Variants in NRXN1 observed in about 807,000 individuals in gnomAD.
NRXN1 encodes neurexin-1.
A neutral mutation model predicts 150.9 loss-of-function variants in NRXN1; 39 were observed. The observed-to-expected ratio is 0.26, with a 90% CI of 0.20 to 0.34. The LOEUF (loss-of-function observed/expected upper bound fraction) is 0.34. NRXN1 is among the 10% of genes least tolerant of loss of function. The pLI is 1.00. For synonymous variants in NRXN1, 924 were observed against 757.0 expected, an observed-to-expected ratio of 1.22 and a Z score of -3.62; for missense variants, 1,815 against 1,949.9, an observed-to-expected ratio of 0.93 and a Z score of 1.30.
At chr2:50,184,749 A>T (rs1029948759) in intron 18 of NRXN1, among the ~76,000 whole-genome samples, 14 of 151,300 alleles carry the variant, frequency 9.3e-5, no homozygotes, top group African/African-American at 3.4e-4. Context: ...AAATACTTAT[A>T]TAGCATTTAC....
chr2:50,800,988 C>T (rs1333631475), intron 5 of NRXN1, among the ~76,000 whole-genome samples: 2 of 152,140 alleles, frequency 1.3e-5, no homozygotes, highest in Non-Finnish European at 2.9e-5. Flanking sequence ...GCAAGCATAA[C>T]TTCAGAATTT....
chr2:49,935,108 A>T (rs1330237470), intron 22 of NRXN1, among the ~76,000 whole-genome samples: 1 of 152,232 alleles, frequency 6.6e-6, no homozygotes, highest in African/African-American at 2.4e-5. Flanking sequence ...TATGTTATCA[A>T]AGCTTTCCTG....
At chr2:50,335,458 T>C (rs1029350510) in intron 17 of NRXN1, among the ~76,000 whole-genome samples, 2 of 152,112 alleles carry the variant, frequency 1.3e-5, no homozygotes, top group African/African-American at 4.8e-5. Context: ...ATTTTCAGAG[T>C]TGATTGGGCA....
intron 5 of NRXN1, among the ~76,000 whole-genome samples, chr2:50,776,268 C>A (rs965780207): frequency 6.6e-6 from 1 of 151,964 alleles, no homozygotes; most frequent in African/African-American, 2.4e-5. Context: ...TTATGTGGTC[C>A]GTACTTCTTT....
At chr2:50,447,814 T>G (rs1321146454) in intron 17 of NRXN1, among the ~76,000 whole-genome samples, 3 of 139,534 alleles carry the variant, frequency 2.2e-5, no homozygotes, top group Non-Finnish European at 3.0e-5. Flanking sequence ...ATCCTGCTTA[T>G]GGCTTCTTCA....
At chr2:50,627,210 T>A (rs930270291) in intron 5 of NRXN1, among the ~76,000 whole-genome samples, 5 of 151,866 alleles carry the variant, frequency 3.3e-5, no homozygotes, top group African/African-American at 1.2e-4. Flanking sequence ...GAATTTCACA[T>A]ATTACAAAGA....
intron 5 of NRXN1, among the ~76,000 whole-genome samples, chr2:50,880,148 G>A (rs955721929): frequency 6.6e-6 from 1 of 151,868 alleles, no homozygotes; most frequent in Non-Finnish European, 1.5e-5. Context: ...AATAAGCAAA[G>A]AAGCTGGGTT....
At chr2:50,488,425 C>T (rs958128524) in intron 15 of NRXN1, among the ~76,000 whole-genome samples, 6 of 152,132 alleles carry the variant, frequency 3.9e-5, no homozygotes, top group Non-Finnish European at 8.8e-5. Context: ...TTTACCAATG[C>T]TTGTGAAAGC....
At chr2:51,025,439 C>G (rs1670288834) in intron 2 of NRXN1, among the ~76,000 whole-genome samples, 1 of 152,150 alleles carries the variant, frequency 6.6e-6, no homozygotes, top group African/African-American at 2.4e-5. Context: ...TATGCATGAT[C>G]TCTGAATCCC....
intron 17 of NRXN1, among the ~76,000 whole-genome samples, chr2:50,396,549 G>C (rs1282842045): frequency 6.6e-6 from 1 of 151,988 alleles, no homozygotes; most frequent in Non-Finnish European, 1.5e-5. Context: ...TTTTGTTTTT[G>C]GAATGGGTTA....
intron 21 of NRXN1, among the ~76,000 whole-genome samples, chr2:49,968,431 T>A (rs867765716): frequency 5.3e-5 from 8 of 152,090 alleles, no homozygotes; most frequent in South Asian, 2.1e-4. Context: ...GAAACCGGCT[T>A]TTAAGAAATC....
intron 9 of NRXN1, among the ~76,000 whole-genome samples, chr2:50,540,623 GA>G (rs1041732610): frequency 6.6e-6 from 1 of 151,974 alleles, no homozygotes; most frequent in African/African-American, 2.4e-5. Context: ...TATTATCATG[GA>G]AAGCAAAGAG....
At chr2:50,837,264 C>T (rs9645152) in intron 5 of NRXN1, among the ~76,000 whole-genome samples, 23,435 of 152,022 alleles carry the variant, frequency 0.15, 2,013 homozygotes, top group Non-Finnish European at 0.18. Context: ...TGAAGAATAG[C>T]GCAAAAATTG....
intron 5 of NRXN1, among the ~76,000 whole-genome samples, chr2:50,826,166 G>T (rs1574613252): frequency 6.6e-6 from 1 of 152,096 alleles, no homozygotes; most frequent in Admixed American, 6.5e-5. Flanking sequence ...GGGGCCACAG[G>T]TTGGTGGATT....
At chr2:50,230,893 T>A (rs2152871047) in intron 18 of NRXN1, among the ~76,000 whole-genome samples, 1 of 152,206 alleles carries the variant, frequency 6.6e-6, no homozygotes, top group Admixed American at 6.5e-5. Context: ...TTCTCACATT[T>A]TCCCCAAAAA....
intron 18 of NRXN1, among the ~76,000 whole-genome samples, chr2:50,200,367 T>A (rs2062073470): frequency 1.3e-5 from 2 of 152,172 alleles, no homozygotes; most frequent in African/African-American, 4.8e-5. Flanking sequence ...CTCATTACTG[T>A]TTCTACTATG....
chr2:51,012,543 T>C (rs1301605502), intron 2 of NRXN1, among the ~76,000 whole-genome samples: 2 of 152,052 alleles, frequency 1.3e-5, no homozygotes, highest in African/African-American at 2.4e-5. Flanking sequence ...GTGAGTTTTA[T>C]TCGTATTTGG....
At chr2:50,412,537 C>A (rs553271041) in intron 17 of NRXN1, among the ~76,000 whole-genome samples, 1 of 144,652 alleles carries the variant, frequency 6.9e-6, no homozygotes, top group South Asian at 2.2e-4. Context: ...TTGGCTAATA[C>A]AATAATGTTT....
At chr2:50,098,201 T>G (rs1477199877) in intron 18 of NRXN1, among the ~76,000 whole-genome samples, 1 of 152,144 alleles carries the variant, frequency 6.6e-6, no homozygotes, top group Non-Finnish European at 1.5e-5. Context: ...ATAAAAAGTA[T>G]GTAATATGCA....
Sources: gnomAD v4.1 joint callset for allele counts (sites outside exome capture counted in the v4.1 genomes callset) on GRCh38, gnomAD v4.1.1 for gene constraint, MANE v1.5 for transcripts, NCBI Gene and HGNC (gene_info 2026-07-23, HGNC 2026-07-21) for gene names.